CFAP65: variants seen among roughly 807,000 people sequenced by gnomAD.
CFAP65 encodes cilia and flagella associated protein 65, also known as cilia- and flagella-associated protein 65.
A neutral mutation model predicts 208.0 loss-of-function variants in CFAP65; 155 were observed. That is an observed-to-expected ratio of 0.75 (90% CI 0.65 to 0.85). The LOEUF (loss-of-function observed/expected upper bound fraction) is 0.85, where lower values mean the gene tolerates loss of function less well. Ranked by LOEUF, CFAP65 falls within the 40% of genes least tolerant of loss-of-function variation. The pLI is 0.00. For missense variants in CFAP65, 2,294 were observed against 2,451.3 expected (o/e 0.94, Z 1.36); for synonymous variants, 970 against 986.3 (o/e 0.98, Z 0.31).
rs749461435 is a variant in CFAP65, at chr2:219,019,672, C to A, written c.3307G>T (p.Ala1103Ser). The change falls in exon 20 of 35, where the codon GCC becomes TCC. Residue 1103 changes from alanine (A) to serine (S), a missense_variant. Ala to Ser is a moderately conservative substitution (Grantham distance 99). This residue lies in a region of CFAP65 where 1,427 missense variants were observed against 1,438.7 expected (regional missense o/e 0.99). Coordinates refer to ENST00000341552, the MANE Select transcript of CFAP65 (RefSeq NM_194302.4). Reference sequence around the variant, plus strand: ...AGGATGGAAAGCAAGGGGTACACGGCCACCAGGGAGACGCAGCACAGCTCC... The same window carrying A: ...AGGATGGAAAGCAAGGGGTACACGGACACCAGGGAGACGCAGCACAGCTCC... ...KQELCCVSLV[A>S]VYPLLSILDV... is the part of the protein sequence containing the mutation. The A allele has an allele frequency of 1.9e-6, 3 of 1,613,556 alleles. No individual in the cohort carries two copies. The highest frequency in any genetic ancestry group is 2.5e-6 in the Non-Finnish European group (3 of 1,180,040).
chr2:219,011,270 C>CTTTTTTTTT (rs528817484), intron 24 of CFAP65, among the ~76,000 whole-genome samples: 94 of 107,092 alleles, frequency 8.8e-4, no homozygotes, highest in Non-Finnish European at 1.0e-3. Context: ...CTTTTTCTTT[C>CTTTTTTTTT]TTTTTTTTTT....
intron 21 of CFAP65, chr2:219,015,562 GA>G (rs1371154077): frequency 1.3e-5 from 2 of 152,264 alleles, no homozygotes; most frequent in Non-Finnish European, 2.9e-5. Flanking sequence ...GGTAAGTTCA[GA>G]AAGAACAGAC....
chr2:219,038,255 G>C, intron 4 of CFAP65, 120 bp downstream of exon 4: 1 of 874,506 alleles, frequency 1.1e-6, no homozygotes, highest in South Asian at 1.6e-5. Flanking sequence ...ACAAGGTCTA[G>C]TGCTCAGATG....
Position 219,026,104 on chromosome 2 carries a change from C to T in CFAP65, c.2267G>A (p.Cys756Tyr). ...GTGGCCTCGTGCCCGCACCGTCAGG[C>T]ACCAGGATGGGCACATGGTGCAGTC... ...EEDCTMCPSW[C>Y]LTVRARGHSY... The change falls in exon 14 of 35, where the codon TGC becomes TAC. Residue 756 changes from cysteine to tyrosine, a missense_variant. By Grantham distance (194) the Cys-to-Tyr change is radical. Transcript: ENST00000341552. 1 of 1,614,094 alleles carries T rather than the reference C, an allele frequency of 6.2e-7. No homozygotes were observed. Among genetic ancestry groups the T allele is most frequent in the Non-Finnish European group, 8.5e-7 (1 of 1,180,016 alleles).
chr2:219,017,580 G>A (rs936045580), intron 21 of CFAP65, among the ~76,000 whole-genome samples: 1 of 152,256 alleles, frequency 6.6e-6, no homozygotes, highest in East Asian at 1.9e-4. Flanking sequence ...GAAGAGGCAC[G>A]GACTGCCTTC....
chr2:219,025,884 C>T (rs1057261069), intron 14 of CFAP65, 138 bp downstream of exon 14: 2 of 1,070,062 alleles, frequency 1.9e-6, no homozygotes, highest in Non-Finnish European at 2.7e-6. Context: ...AGAATTGGCA[C>T]AGCGGACGTG....
At chr2:219,028,625 C>T (rs1947816398) in intron 11 of CFAP65, among the ~76,000 whole-genome samples, 1 of 152,094 alleles carries the variant, frequency 6.6e-6, no homozygotes, top group African/African-American at 2.4e-5. Context: ...CCTTAGGACA[C>T]TCAGCCATTA....
chr2:219,023,517 C>T lies in CFAP65; in HGVS notation c.2596-86G>A, dbSNP rs543746058. 4.1e-4 allele frequency: 404 copies of T among 975,374 alleles called. 3 individuals carry two copies. Among genetic ancestry groups the T allele is most frequent in the Non-Finnish European group, 3.3e-4 (215 of 647,544 alleles). The allele number at this position is 975,374 out of a possible 1,614,324, so 60.4% of individuals were successfully genotyped here. A position where few individuals can be genotyped will look rare whatever the true frequency, so the allele number is the denominator to read the frequency against. On this transcript the variant is annotated intron_variant, in intron 15 of 34. Coordinates refer to ENST00000341552, the MANE Select transcript of CFAP65 (RefSeq NM_194302.4). ...ACATGTCCAGGAAGCCATGGCTAGG[C>T]AGCTTTCCCCACTTGAAGCAGGCAG...
At chr2:219,041,316 G>A (rs1948643917) in intron 1 of CFAP65, 172 bp downstream of exon 1, 1 of 605,204 alleles carries the variant, frequency 1.7e-6, no homozygotes, top group South Asian at 2.2e-5. Context: ...GGGATCCTTA[G>A]TCTGATTGAT....
At position 219,004,666 on chromosome 2, in the gene CFAP65, G is replaced by C. The variant is rs762434075; in HGVS notation, c.5052-211C>G. ...AAGCGAACATGGTATGCTGGAGGCA[G>C]GGCAGGTCAGATTCACACACATGAT... On this transcript the variant is annotated intron_variant, in intron 32 of 34. Transcript: ENST00000341552. This position sits in a 1 kb window ranked among gnomAD's most constrained non-coding sequence, Gnocchi z 4.7. Among the ~76,000 whole-genome samples, 11 of 152,210 alleles carry C rather than the reference G, an allele frequency of 7.2e-5. No homozygotes were observed. The highest frequency in any genetic ancestry group is 1.5e-4 in the Non-Finnish European group (10 of 68,032).
In CFAP65 at chr2:219,003,370, A is replaced by C. The variant is rs1574500241; in HGVS notation, c.5556-98T>G. The C allele has an allele frequency of 7.2e-6, 10 of 1,398,254 alleles. No homozygotes were observed. Among genetic ancestry groups the C allele is most frequent in the Non-Finnish European group, 9.4e-6 (10 of 1,064,106 alleles). The allele number at this position is 1,398,254 out of a possible 1,614,324, so 86.6% of individuals were successfully genotyped here. ...GTACATTGTGCCGCGAGCTCTACGG[A>C]GATTCCCATTCGACTCCCCTCATCC... is the stretch of plus-strand genomic sequence containing the variant. On this transcript the variant is annotated intron_variant, in intron 33 of 34. Transcript: ENST00000341552. This position sits in a 1 kb window ranked among gnomAD's most constrained non-coding sequence, Gnocchi z 4.4.
Position 219,006,348 on chromosome 2 carries a change from G to A in CFAP65, c.4719+117C>T. ...ACATAAGCGTGTGACCCCACTCATTGGCACTTTCATCCCTCCTTTCTGGGA... is the reference window on the plus strand; with the variant it reads ...ACATAAGCGTGTGACCCCACTCATTAGCACTTTCATCCCTCCTTTCTGGGA... On this transcript the variant is annotated intron_variant, in intron 30 of 34. Transcript: ENST00000341552. The A allele has an allele frequency of 8.1e-6, 12 of 1,489,980 alleles. No individual in the cohort carries two copies. In the South Asian group the frequency reaches 1.4e-4, roughly 17 times the overall value. 92.3% of individuals were successfully genotyped at this position (1,489,980 alleles called of 1,614,324 possible).
Position 219,031,327 on chromosome 2 carries a change from G to C in CFAP65, c.816-22C>G, listed in dbSNP as rs769396990. On this transcript the variant is annotated intron_variant, in intron 7 of 34. Coordinates refer to ENST00000341552, the MANE Select transcript of CFAP65 (RefSeq NM_194302.4). The surrounding 1 kb of genome is among the most constrained non-coding windows in gnomAD (Gnocchi z 5.2). ...GTCCCTGGGGGTGGGGGGCAGGTCA[G>C]GGCACTGGGCTCCCGGCCCCTGCTC... The C allele has an allele frequency of 4.3e-6, 7 of 1,610,914 alleles. No homozygotes were observed. Among genetic ancestry groups the C allele is most frequent in the Non-Finnish European group, 4.2e-6 (5 of 1,177,666 alleles).
In CFAP65 at chr2:219,026,064, G is replaced by A. The variant is rs760792275; in HGVS notation, c.2307C>T (p.Gly769=). 1 of 1,614,182 alleles carries A rather than the reference G, an allele frequency of 6.2e-7. No individual in the cohort carries two copies. The highest frequency in any genetic ancestry group is 8.5e-7 in the Non-Finnish European group (1 of 1,180,032). The change falls in exon 14 of 35, where the codon GGC becomes GGT. Residue 769 remains glycine (G), a synonymous_variant. Coordinates refer to ENST00000341552, the MANE Select transcript of CFAP65 (RefSeq NM_194302.4). ...AATACTGGGGGATGTGGTGCTCAAA[G>A]CCAGCGAAATAGCTGTGGCCTCGTG... ...VRARGHSYFA[G]FEHHIPQYSL...
At chr2:219,008,199 C>A (rs748136379) in intron 29 of CFAP65, among the ~76,000 whole-genome samples, 4 of 152,160 alleles carry the variant, frequency 2.6e-5, no homozygotes, top group Non-Finnish European at 4.4e-5. Context: ...AAGAACTCTC[C>A]GTTGCCCATT....
In CFAP65 at chr2:219,022,394, C is replaced by T. The variant is rs1353216378; in HGVS notation, c.2821-65G>A. On this transcript the variant is annotated intron_variant, in intron 16 of 34. Coordinates refer to ENST00000341552, the MANE Select transcript of CFAP65 (RefSeq NM_194302.4). ...GCCCCTCCACAGGTACCTGGCCATC[C>T]GAGGCCCCATGGCAGGGCGTCATGC... The T allele has an allele frequency of 3.1e-5, 47 of 1,539,720 alleles. No individual in the cohort carries two copies. In the Middle Eastern group the frequency reaches 1.0e-3, roughly 33 times the overall value.
chr2:219,013,831 G>A, intron 22 of CFAP65, 37 bp downstream of exon 22: 2 of 1,543,604 alleles, frequency 1.3e-6, no homozygotes, highest in Admixed American at 1.9e-5. Context: ...GGGCCTCTAT[G>A]ACTGGAAGTG....
intron 5 of CFAP65, 105 bp downstream of exon 5, chr2:219,035,375 T>C (rs1267755301): frequency 1.2e-6 from 2 of 1,600,756 alleles, no homozygotes; most frequent in Non-Finnish European, 1.7e-6. Flanking sequence ...GGCTTTTATA[T>C]GGCATGTTAA....
chr2:219,028,608 C>G (rs1947815226), intron 11 of CFAP65, among the ~76,000 whole-genome samples: 1 of 152,046 alleles, frequency 6.6e-6, no homozygotes. Flanking sequence ...GGAGAGAGCA[C>G]CCCGGTCCTT....
Sources: allele counts gnomAD v4.1 joint callset (sites outside exome capture counted in the v4.1 genomes callset), GRCh38; gene constraint gnomAD v4.1.1; regional missense constraint gnomAD v4.1.1; non-coding constraint Gnocchi (gnomAD v3.1); transcripts MANE v1.5; gene names NCBI Gene and HGNC (gene_info 2026-07-23, HGNC 2026-07-21).